The following PRKCQ variants were observed in gnomAD, a reference collection of about 807,000 sequenced individuals.
PRKCQ encodes the protein protein kinase C theta type.
In PRKCQ, 41 loss-of-function variants were observed where a neutral mutation model predicts 91.2. The observed-to-expected ratio is 0.45, with a 90% CI of 0.35 to 0.58. PRKCQ has a LOEUF of 0.58. Among genes scored for constraint, PRKCQ ranks in the 20% least tolerant of loss-of-function variants. PRKCQ has a pLI of 0.00. For synonymous variants in PRKCQ, 307 were observed against 316.9 expected, an observed-to-expected ratio of 0.97 and a Z score of 0.33; for missense variants, 673 against 896.5, an observed-to-expected ratio of 0.75 and a Z score of 3.18.
intron 12 of PRKCQ, among the ~76,000 whole-genome samples, chr10:6,470,546 C>A (rs17156313): frequency 0.017 from 2,644 of 152,274 alleles, 89 homozygotes; most frequent in African/African-American, 0.06. Flanking sequence ...CTGCTCTATG[C>A]TATTTATCAG....
Position 6,485,137 on chromosome 10 carries a change from G to A in PRKCQ, c.1018+15C>T, listed in dbSNP as rs1484469919. ...AATGACTGACAGTGATTAGACTGCT[G>A]ATCAGGACAGCTACCTCTTTTTCCC... On this transcript the variant is annotated intron_variant, in intron 10 of 17. Coordinates refer to ENST00000263125, the MANE Select transcript of PRKCQ (RefSeq NM_006257.5). 6.2e-7 allele frequency: 1 copy of A among 1,601,440 alleles called. No individual in the cohort carries two copies. Among genetic ancestry groups the A allele is most frequent in the East Asian group, 2.2e-5 (1 of 44,770 alleles).
intron 8 of PRKCQ, among the ~76,000 whole-genome samples, chr10:6,488,460 A>T (rs1401648675): frequency 6.7e-6 from 1 of 149,944 alleles, no homozygotes; most frequent in Admixed American, 6.7e-5. Context: ...ATTTTGGCTC[A>T]CTGCAACCTC....
At chr10:6,399,829 A>G in the PRKCQ span, among the ~76,000 whole-genome samples, 2 of 152,070 alleles carry the variant, frequency 1.3e-5, no homozygotes, top group Admixed American at 1.3e-4. Flanking sequence ...CTCCATTCCT[A>G]CAGGGTAGAC....
intron 1 of PRKCQ, among the ~76,000 whole-genome samples, chr10:6,522,365 C>T (rs1839046478): frequency 6.6e-6 from 1 of 152,126 alleles, no homozygotes; most frequent in Admixed American, 6.5e-5. Context: ...AGTATAATTG[C>T]TCAGTGCTTT....
At position 6,498,485 on chromosome 10, in the gene PRKCQ, C is replaced by T; in HGVS notation, c.453G>A (p.Gln151=). 1.2e-6 allele frequency: 2 copies of T among 1,614,174 alleles called. No individual in the cohort carries two copies. Among genetic ancestry groups the T allele is most frequent in the Non-Finnish European group, 1.7e-6 (2 of 1,180,026 alleles). Residue 151 remains glutamine, a synonymous_variant, in exon 5 of 18, where the codon CAG becomes CAA. Coordinates refer to ENST00000263125, the MANE Select transcript of PRKCQ (RefSeq NM_006257.5). ...GGCACTTGACGTGGTGGACCTTTGC[C>T]TGCTTGATGGCACCCCGGCGCTGAT... The part of the protein sequence containing the change: ...ALHQRRGAIK[Q]AKVHHVKCHE...
the PRKCQ span, among the ~76,000 whole-genome samples, chr10:6,407,905 A>AT: frequency 1.3e-5 from 2 of 152,206 alleles, no homozygotes; most frequent in Non-Finnish European, 2.9e-5. This position sits in a 1 kb window ranked among gnomAD's most constrained non-coding sequence, Gnocchi z 4.0. Context: ...ATAAAATGAT[A>AT]TATCTATCTT....
intron 10 of PRKCQ, 133 bp downstream of exon 10, chr10:6,485,019 C>A: frequency 2.7e-6 from 2 of 733,336 alleles, no homozygotes; most frequent in Admixed American, 2.3e-5. Context: ...GAAGTGGGAG[C>A]CTCTTAGTTG....
At chr10:6,495,840 T>C (rs1483650827) in intron 7 of PRKCQ, among the ~76,000 whole-genome samples, 1 of 152,086 alleles carries the variant, frequency 6.6e-6, no homozygotes, top group African/African-American at 2.4e-5. Flanking sequence ...AAATTACCTA[T>C]TGGGTGTAAT....
downstream of PRKCQ, among the ~76,000 whole-genome samples, chr10:6,424,013 G>A (rs987070240): frequency 6.6e-5 from 10 of 151,522 alleles, no homozygotes; most frequent in African/African-American, 2.2e-4. Flanking sequence ...GGTAAAGAGC[G>A]TGGTCCCTAC....
At chr10:6,483,311 CCTCAGGAAAGCTGTCTCTGACA>C in intron 11 of PRKCQ, 107 bp downstream of exon 11, 1 of 1,253,232 alleles carries the variant, frequency 8.0e-7, no homozygotes, top group South Asian at 1.3e-5. Flanking sequence ...TTCAGCGCTC[CCTCAGGAAAGCTGTCTCTGACA>C]CTCACATGCA....
chr10:6,506,006 C>T (rs938029233), intron 4 of PRKCQ, among the ~76,000 whole-genome samples: 1 of 152,144 alleles, frequency 6.6e-6, no homozygotes, highest in Non-Finnish European at 1.5e-5. Flanking sequence ...ATGTATTTCT[C>T]TTATTCAAGG....
the PRKCQ span, among the ~76,000 whole-genome samples, chr10:6,419,510 G>C: frequency 6.6e-6 from 1 of 152,072 alleles, no homozygotes; most frequent in Admixed American, 6.6e-5. Context: ...CTCTCAGTTT[G>C]ATTAATTTGG....
intron 16 of PRKCQ, among the ~76,000 whole-genome samples, chr10:6,437,810 C>T (rs1201237672): frequency 6.6e-6 from 1 of 152,062 alleles, no homozygotes; most frequent in African/African-American, 2.4e-5. Context: ...CGCCACAACA[C>T]CTGGCTAATT....
intron 8 of PRKCQ, chr10:6,489,488 G>A: frequency 1.9e-6 from 1 of 528,018 alleles, no homozygotes; most frequent in Non-Finnish European, 3.9e-6. Context: ...AGAGAAGGCA[G>A]GGTAAAAGGC....
At chr10:6,526,431 C>T (rs1240786489) in intron 1 of PRKCQ, among the ~76,000 whole-genome samples, 2 of 152,046 alleles carry the variant, frequency 1.3e-5, no homozygotes, top group African/African-American at 4.8e-5. Context: ...ATATGAAATA[C>T]ACCAGGTGAC....
At chr10:6,437,926 T>A (rs537249838) in intron 16 of PRKCQ, among the ~76,000 whole-genome samples, 1 of 152,338 alleles carries the variant, frequency 6.6e-6, no homozygotes, top group East Asian at 1.9e-4. Context: ...GTGCTGGGAT[T>A]ACAGGCGTGA....
chr10:6,394,231 A>G, the PRKCQ span, among the ~76,000 whole-genome samples: 1 of 152,162 alleles, frequency 6.6e-6, no homozygotes, highest in African/African-American at 2.4e-5. Flanking sequence ...TACGACTTTG[A>G]CACACTCTGG....
the PRKCQ span, among the ~76,000 whole-genome samples, chr10:6,401,640 T>C: frequency 3.3e-5 from 5 of 152,096 alleles, no homozygotes; most frequent in Admixed American, 6.5e-5. Context: ...TTGGTGAGGA[T>C]TGCGGGGCCA....
intron 7 of PRKCQ, among the ~76,000 whole-genome samples, chr10:6,495,799 A>C (rs1377752666): frequency 6.6e-6 from 1 of 152,220 alleles, no homozygotes; most frequent in African/African-American, 2.4e-5. Context: ...TGGAGACTAC[A>C]GATGGCAGGA....
Sources: allele counts gnomAD v4.1 joint callset (sites outside exome capture counted in the v4.1 genomes callset), GRCh38; gene constraint gnomAD v4.1.1; non-coding constraint Gnocchi (gnomAD v3.1); transcripts MANE v1.5; gene names NCBI Gene and HGNC (gene_info 2026-07-23, HGNC 2026-07-21).